The following CLNK variants were observed in gnomAD, a reference collection of about 807,000 sequenced individuals.
CLNK encodes the protein cytokine dependent hematopoietic cell linker.
CLNK carries 74 observed loss-of-function variants against 68.6 expected under a neutral mutation model. The ratio of observed to expected loss-of-function variants is 1.08; its 90% CI spans 0.89 to 1.31. The LOEUF (loss-of-function observed/expected upper bound fraction) is 1.31. Ranked by LOEUF, CLNK falls within the 50% of genes most tolerant of loss-of-function variation. The pLI is 0.00. For missense variants in CLNK, 553 were observed against 515.3 expected, an observed-to-expected ratio of 1.07 and a Z score of -0.71; for synonymous variants, 198 against 172.2, an observed-to-expected ratio of 1.15 and a Z score of -1.17.
chr4:10,542,380 T>A (rs1360465827), intron 8 of CLNK, 100 bp from the exon 9 acceptor site: 4 of 798,368 alleles, frequency 5.0e-6, no homozygotes, highest in Non-Finnish European at 8.2e-6. Context: ...TGTAATAATA[T>A]TGGTGATAAC....
intron 2 of CLNK, among the ~76,000 whole-genome samples, chr4:10,608,446 G>A (rs1202773772): frequency 6.6e-6 from 1 of 152,140 alleles, no homozygotes; most frequent in Non-Finnish European, 1.5e-5. Context: ...TCCCAAATGT[G>A]TCTAGGTGGA....
intron 4 of CLNK, among the ~76,000 whole-genome samples, chr4:10,573,475 A>T (rs553811814): frequency 6.6e-6 from 1 of 152,268 alleles, no homozygotes; most frequent in East Asian, 1.9e-4. Context: ...ATCCCCACTG[A>T]GATCCCTGGC....
chr4:10,646,725 A>G lies in CLNK; in HGVS notation c.11+21134T>C, dbSNP rs188308203. 4.1e-3 allele frequency among the ~76,000 whole-genome samples: 622 copies of G among 152,048 alleles called. 6 individuals carry two copies. Among genetic ancestry groups the G allele is most frequent in the African/African-American group, 0.014 (583 of 41,446 alleles). ...CTTGTATGTAAGCCTGAACATAATC[A>G]TGGGTAAATGTAACTGCCTATATTC... is the stretch of plus-strand genomic sequence containing the variant. On this transcript the variant is annotated intron_variant, in intron 2 of 18. Transcript: ENST00000226951.
At chr4:10,639,587 G>A (rs1455507024) in intron 2 of CLNK, among the ~76,000 whole-genome samples, 3 of 152,166 alleles carry the variant, frequency 2.0e-5, no homozygotes, top group Non-Finnish European at 4.4e-5. Flanking sequence ...CCATGAATTA[G>A]CAGTTTCTAG....
intron 2 of CLNK, among the ~76,000 whole-genome samples, chr4:10,645,683 A>G (rs1239844330): frequency 6.6e-6 from 1 of 152,214 alleles, no homozygotes; most frequent in Admixed American, 6.5e-5. Flanking sequence ...TTAAAACTGT[A>G]TGTGTAGACA....
chr4:10,666,585 C>T (rs1376745395), intron 2 of CLNK, among the ~76,000 whole-genome samples: 1 of 152,230 alleles, frequency 6.6e-6, no homozygotes, highest in African/African-American at 2.4e-5. Flanking sequence ...TGAGCCATCT[C>T]AGACAAGTCA....
chr4:10,546,372 A>C (rs1306225820), intron 8 of CLNK, among the ~76,000 whole-genome samples: 1 of 152,170 alleles, frequency 6.6e-6, no homozygotes. Flanking sequence ...ATCACTCTCA[A>C]GTTTGGCCTT....
chr4:10,558,898 C>T (rs1169782317), intron 7 of CLNK, among the ~76,000 whole-genome samples: 2 of 152,106 alleles, frequency 1.3e-5, no homozygotes, highest in Admixed American at 1.3e-4. Context: ...ACCTCCAGCT[C>T]GTGCTGACTG....
chr4:10,500,092 A>C (rs1444627472), intron 18 of CLNK, among the ~76,000 whole-genome samples: 1 of 152,188 alleles, frequency 6.6e-6, no homozygotes, highest in Non-Finnish European at 1.5e-5. Context: ...GGAATCATTA[A>C]ATTATTGAAG....
chr4:10,576,144 G>A (rs151211910), intron 4 of CLNK, among the ~76,000 whole-genome samples: 4 of 152,296 alleles, frequency 2.6e-5, no homozygotes, highest in Admixed American at 2.0e-4. Flanking sequence ...GGGAAGCAGC[G>A]ATAGAACCTT....
Position 10,507,436 on chromosome 4 carries a change from TTTTATTTATTTA to T in CLNK, c.984+511_984+522del, listed in dbSNP as rs113177804. 7.0e-3 allele frequency among the ~76,000 whole-genome samples: 1,003 copies of T among 142,890 alleles called. 9 individuals are homozygous for T. Among genetic ancestry groups the T allele is most frequent in the Middle Eastern group, 0.01 (3 of 292 alleles). The allele number at this position is 142,890 out of a possible 152,430, so 93.7% of individuals were successfully genotyped here. ...CTCTCCATGTTTTTTTGTTTTCTGT[TTTTATTTATTTA>T]TTTATTTATTTATTTATTTATTTAT... On this transcript the variant is annotated intron_variant, in intron 17 of 18. Transcript: ENST00000226951.
chr4:10,515,772 A>G (rs1717810368), intron 15 of CLNK, among the ~76,000 whole-genome samples: 1 of 152,256 alleles, frequency 6.6e-6, no homozygotes, highest in Non-Finnish European at 1.5e-5. Flanking sequence ...ACATAATAGC[A>G]TATATCAACA....
chr4:10,551,812 T>G (rs1029269857), intron 8 of CLNK, among the ~76,000 whole-genome samples: 13 of 151,326 alleles, frequency 8.6e-5, no homozygotes, highest in African/African-American at 3.2e-4. Context: ...TATGTAAAAC[T>G]GCCTTTGCAA....
At chr4:10,688,028 C>T (rs1005053829), upstream of CLNK, among the ~76,000 whole-genome samples, 3 of 152,054 alleles carry the variant, frequency 2.0e-5, no homozygotes, top group Non-Finnish European at 4.4e-5. Flanking sequence ...GTTCTGGGAG[C>T]CATATGTAAC....
intron 2 of CLNK, among the ~76,000 whole-genome samples, chr4:10,612,713 C>A (rs952853399): frequency 5.3e-5 from 8 of 152,132 alleles, no homozygotes; most frequent in African/African-American, 1.9e-4. Flanking sequence ...TGTGGCAGAT[C>A]TATCTTATCA....
At chr4:10,690,379 T>G in the CLNK span, among the ~76,000 whole-genome samples, 1 of 152,164 alleles carries the variant, frequency 6.6e-6, no homozygotes, top group Non-Finnish European at 1.5e-5. Flanking sequence ...TTGTATTGAT[T>G]TCCTAGCCTC....
At chr4:10,730,416 C>CTA in the CLNK span, among the ~76,000 whole-genome samples, 1 of 152,174 alleles carries the variant, frequency 6.6e-6, no homozygotes, top group African/African-American at 2.4e-5. Flanking sequence ...AATCTGCCTA[C>CTA]TATTCATTCC....
At chr4:10,501,664 C>G (rs1407048665) in intron 17 of CLNK, among the ~76,000 whole-genome samples, 1 of 152,184 alleles carries the variant, frequency 6.6e-6, no homozygotes, top group Non-Finnish European at 1.5e-5. Context: ...CGGTGGCTCA[C>G]CCCTGTAATC....
At chr4:10,606,145 A>G (rs1721778525) in intron 2 of CLNK, among the ~76,000 whole-genome samples, 1 of 152,242 alleles carries the variant, frequency 6.6e-6, no homozygotes, top group African/African-American at 2.4e-5. Context: ...AGCTGTACGA[A>G]GATACTTGTT....
Sources: gnomAD v4.1 joint callset for allele counts (sites outside exome capture counted in the v4.1 genomes callset) on GRCh38, gnomAD v4.1.1 for gene constraint, MANE v1.5 for transcripts, NCBI Gene and HGNC (gene_info 2026-07-23, HGNC 2026-07-21) for gene names.